ADGRL3: variants seen among roughly 807,000 people sequenced by gnomAD.
The protein encoded by ADGRL3 is calcium-independent alpha-latrotoxin receptor 3.
In ADGRL3, 62 loss-of-function variants were observed where a neutral mutation model predicts 153.5. The ratio of observed to expected loss-of-function variants is 0.40; its 90% CI spans 0.33 to 0.50. The LOEUF (loss-of-function observed/expected upper bound fraction) is 0.50. Among genes scored for constraint, ADGRL3 ranks in the 20% least tolerant of loss-of-function variants. The probability of loss-of-function intolerance (pLI) is 0.47; values close to 1 mark genes in which losing one functional copy is unlikely to be tolerated. For missense variants in ADGRL3, 1,641 were observed against 1,859.4 expected (o/e 0.88, Z 2.16); for synonymous variants, 710 against 672.5 (o/e 1.06, Z -0.86).
intron 2 of ADGRL3, among the ~76,000 whole-genome samples, chr4:61,426,447 G>GGA (rs1553926535): frequency 2.3e-5 from 1 of 42,962 alleles, no homozygotes; most frequent in African/African-American, 9.3e-5. Flanking sequence ...CATCGGGAAT[G>GGA]GGGGGGTGCC....
chr4:61,860,562 G>A (rs1192100016), intron 9 of ADGRL3, among the ~76,000 whole-genome samples: 2 of 152,054 alleles, frequency 1.3e-5, no homozygotes, highest in Non-Finnish European at 2.9e-5. Context: ...TCAGTGTGCC[G>A]ATGCCAATAT....
At chr4:61,612,499 T>C (rs899857100) in intron 5 of ADGRL3, among the ~76,000 whole-genome samples, 2 of 152,338 alleles carry the variant, frequency 1.3e-5, no homozygotes, top group African/African-American at 4.8e-5. Flanking sequence ...GAGGAATCTC[T>C]TGACTAGTTT....
At chr4:61,601,079 T>A (rs1435784422) in intron 5 of ADGRL3, among the ~76,000 whole-genome samples, 1 of 152,170 alleles carries the variant, frequency 6.6e-6, no homozygotes, top group Admixed American at 6.5e-5. Flanking sequence ...TAGTATCTTT[T>A]CCCTATCCCA....
chr4:61,214,330 GTTTC>G (rs1741607797), intron 1 of ADGRL3, among the ~76,000 whole-genome samples: 1 of 152,058 alleles, frequency 6.6e-6, no homozygotes. Flanking sequence ...AATATTCTTA[GTTTC>G]TTTCACTGCT....
chr4:61,438,884 T>A (rs1001543585), intron 2 of ADGRL3, among the ~76,000 whole-genome samples: 1 of 151,912 alleles, frequency 6.6e-6, no homozygotes, highest in African/African-American at 2.4e-5. Context: ...ATTTTTTGTA[T>A]TTTTAGTAGA....
chr4:61,855,529 T>A (rs2098253171), intron 9 of ADGRL3, among the ~76,000 whole-genome samples: 2 of 152,196 alleles, frequency 1.3e-5, no homozygotes, highest in Non-Finnish European at 2.9e-5. Flanking sequence ...GATATATTGA[T>A]AAGAAATACT....
At chr4:61,620,515 C>T (rs1326775127) in intron 5 of ADGRL3, among the ~76,000 whole-genome samples, 1 of 151,878 alleles carries the variant, frequency 6.6e-6, no homozygotes, top group Admixed American at 6.6e-5. Flanking sequence ...TACTTGAAGC[C>T]GGGTACCAGT....
intron 1 of ADGRL3, among the ~76,000 whole-genome samples, chr4:61,206,907 C>G (rs1039099840): frequency 2.0e-5 from 3 of 151,828 alleles, no homozygotes; most frequent in African/African-American, 7.3e-5. Flanking sequence ...CGCTGGAACC[C>G]AGGAGGTAGA....
intron 9 of ADGRL3, among the ~76,000 whole-genome samples, chr4:61,875,677 G>A (rs926514020): frequency 2.6e-5 from 4 of 152,132 alleles, no homozygotes; most frequent in East Asian, 3.9e-4. Context: ...TGCTAAATAC[G>A]AGTTTTATGA....
At chr4:61,292,723 T>C (rs1186214570) in intron 1 of ADGRL3, among the ~76,000 whole-genome samples, 1 of 152,066 alleles carries the variant, frequency 6.6e-6, no homozygotes, top group Admixed American at 6.6e-5. Flanking sequence ...TTGAAAGCCA[T>C]TGGGAAGCTG....
chr4:61,878,189 C>A (rs2098486976), intron 9 of ADGRL3, among the ~76,000 whole-genome samples: 1 of 152,146 alleles, frequency 6.6e-6, no homozygotes, highest in African/African-American at 2.4e-5. Flanking sequence ...TATAGGGACA[C>A]CAATCATATA....
chr4:61,654,551 A>T (rs1215186054), intron 5 of ADGRL3, among the ~76,000 whole-genome samples: 2 of 151,952 alleles, frequency 1.3e-5, no homozygotes, highest in African/African-American at 4.8e-5. Flanking sequence ...TATTTTTTAA[A>T]ATAAAAATAA....
rs2096596676 is a variant in ADGRL3 at position 61,742,679 on chromosome 4, T to A, written c.1399+9125T>A. Reference sequence around the variant, plus strand: ...ACAAAGGTATTTCCTTCTTAATAACTACTTTACCACTAGAAAGCTAAATTA... The same window carrying A: ...ACAAAGGTATTTCCTTCTTAATAACAACTTTACCACTAGAAAGCTAAATTA... On this transcript the variant is annotated intron_variant, in intron 8 of 26. Coordinates refer to ENST00000683033, the MANE Select transcript of ADGRL3 (RefSeq NM_001387552.1). 2.0e-5 allele frequency among the ~76,000 whole-genome samples: 3 copies of A among 152,346 alleles called. No homozygotes were observed. In the South Asian group the frequency reaches 6.2e-4, roughly 32 times the overall value.
At chr4:61,321,273 G>T (rs1307118677) in intron 1 of ADGRL3, among the ~76,000 whole-genome samples, 1 of 152,072 alleles carries the variant, frequency 6.6e-6, no homozygotes, top group Non-Finnish European at 1.5e-5. Flanking sequence ...GTTCATTGTT[G>T]AGGTGAGATC....
chr4:61,220,234 G>T, intron 1 of ADGRL3, among the ~76,000 whole-genome samples: 1 of 151,942 alleles, frequency 6.6e-6, no homozygotes, highest in East Asian at 1.9e-4. Flanking sequence ...TTTTTTCGAA[G>T]GTAGGGGCTT....
At chr4:61,713,618 G>C (rs939716162) in intron 6 of ADGRL3, among the ~76,000 whole-genome samples, 3 of 151,590 alleles carry the variant, frequency 2.0e-5, no homozygotes, top group African/African-American at 7.3e-5. Flanking sequence ...TTTATTCAAG[G>C]ATTTTCTACT....
intron 5 of ADGRL3, among the ~76,000 whole-genome samples, chr4:61,607,571 G>T (rs533565211): frequency 2.6e-5 from 4 of 152,288 alleles, no homozygotes; most frequent in South Asian, 2.1e-4. Flanking sequence ...CTGCACTCCA[G>T]CCTGGGTGAC....
chr4:61,695,870 T>C (rs922239858), intron 6 of ADGRL3, among the ~76,000 whole-genome samples: 4 of 152,210 alleles, frequency 2.6e-5, no homozygotes, highest in Admixed American at 2.0e-4. Flanking sequence ...TGCTTCATTT[T>C]GTACTTTTAT....
At chr4:61,419,848 G>C (rs1404264030) in intron 2 of ADGRL3, among the ~76,000 whole-genome samples, 1 of 150,906 alleles carries the variant, frequency 6.6e-6, no homozygotes, top group African/African-American at 2.4e-5. Context: ...AGGCTGGACA[G>C]CAATGGTGCA....
Sources: allele counts gnomAD v4.1 joint callset (sites outside exome capture counted in the v4.1 genomes callset), GRCh38; gene constraint gnomAD v4.1.1; transcripts MANE v1.5; gene names NCBI Gene and HGNC (gene_info 2026-07-23, HGNC 2026-07-21).